Variants in FAM171B observed in about 807,000 individuals in gnomAD.
FAM171B encodes the protein family with sequence similarity 171 member B, also known as protein FAM171B.
FAM171B carries 19 observed loss-of-function variants against 75.6 expected under a neutral mutation model. The ratio of observed to expected loss-of-function variants is 0.25; its 90% CI spans 0.18 to 0.37. The LOEUF (loss-of-function observed/expected upper bound fraction) is 0.37, where lower values mean the gene tolerates loss of function less well. Ranked by LOEUF, FAM171B falls within the 10% of genes least tolerant of loss-of-function variation. The pLI is 1.00. For missense variants in FAM171B, 848 were observed against 982.4 expected (o/e 0.86, Z 1.83); for synonymous variants, 367 against 361.7 (o/e 1.01, Z -0.17).
At chr2:186,706,560 G>T in intron 1 of FAM171B, among the ~76,000 whole-genome samples, 1 of 152,272 alleles carries the variant, frequency 6.6e-6, no homozygotes, top group African/African-American at 2.4e-5. Context: ...GCACATTCTG[G>T]TGTTCCAAAG....
intron 2 of FAM171B, among the ~76,000 whole-genome samples, chr2:186,741,007 T>G (rs1212106111): frequency 1.3e-5 from 2 of 152,166 alleles, no homozygotes; most frequent in Non-Finnish European, 2.9e-5. Flanking sequence ...AGGGGCAATT[T>G]GCCATTACAG....
At chr2:186,728,748 G>A (rs1311380899) in intron 1 of FAM171B, among the ~76,000 whole-genome samples, 4 of 152,116 alleles carry the variant, frequency 2.6e-5, no homozygotes, top group Admixed American at 6.5e-5. Flanking sequence ...TAATGGAAAC[G>A]AAGTAGGTGA....
intron 3 of FAM171B, among the ~76,000 whole-genome samples, chr2:186,746,478 G>A (rs990610331): frequency 1.3e-5 from 2 of 152,154 alleles, no homozygotes; most frequent in East Asian, 1.9e-4. Context: ...GGAATAGGAC[G>A]AACTTTAGAC....
At chr2:186,706,581 G>A (rs1345488925) in intron 1 of FAM171B, among the ~76,000 whole-genome samples, 1 of 152,174 alleles carries the variant, frequency 6.6e-6, no homozygotes, top group Non-Finnish European at 1.5e-5. Context: ...ATAAATAATA[G>A]CATGTGTTGA....
At chr2:186,702,854 G>C (rs1253224542) in intron 1 of FAM171B, among the ~76,000 whole-genome samples, 1 of 151,864 alleles carries the variant, frequency 6.6e-6, no homozygotes, top group Non-Finnish European at 1.5e-5. Flanking sequence ...CCAAAAGTAA[G>C]ATTTAAAATT....
rs1351048775 is a variant in FAM171B, at chr2:186,694,074, G to A, written c.-100G>A. 3 of 1,367,618 alleles carry A rather than the reference G, an allele frequency of 2.2e-6. No homozygotes were observed. The highest frequency in any genetic ancestry group is 3.6e-5 in the Admixed American group (1 of 27,462). The allele number at this position is 1,367,618 out of a possible 1,614,324, so 84.7% of individuals were successfully genotyped here. On this transcript the variant is annotated 5_prime_UTR_variant, in exon 1 of 8. Coordinates refer to ENST00000304698, the MANE Select transcript of FAM171B (RefSeq NM_177454.4). The stretch of plus-strand genomic sequence containing the variant: ...GGGAGTGCTTGGCAGATTGCGCGAG[G>A]GGGAGCGAGCGAGCGGGCGCTGCCA...
At chr2:186,712,114 A>T (rs1689817950) in intron 1 of FAM171B, among the ~76,000 whole-genome samples, 1 of 152,190 alleles carries the variant, frequency 6.6e-6, no homozygotes, top group Non-Finnish European at 1.5e-5. Flanking sequence ...GAATATATAT[A>T]TTAAGGGAAG....
chr2:186,705,130 C>T (rs1032245673), intron 1 of FAM171B, among the ~76,000 whole-genome samples: 2 of 152,196 alleles, frequency 1.3e-5, no homozygotes, highest in Admixed American at 1.3e-4. Context: ...CGTGACTGCT[C>T]CTGCAGCACA....
intron 5 of FAM171B, among the ~76,000 whole-genome samples, 164 bp downstream of exon 5, chr2:186,751,468 C>T (rs559658504): frequency 6.6e-6 from 1 of 152,210 alleles, no homozygotes; most frequent in African/African-American, 2.4e-5. Context: ...ATAATACAAC[C>T]ATTGGGCAAA....
intron 1 of FAM171B, among the ~76,000 whole-genome samples, chr2:186,720,318 G>A (rs1310749793): frequency 3.3e-5 from 5 of 152,290 alleles, no homozygotes; most frequent in African/African-American, 7.2e-5. Flanking sequence ...GATTACAGAC[G>A]TGAGCCACCA....
At chr2:186,705,106 T>C (rs1429931515) in intron 1 of FAM171B, among the ~76,000 whole-genome samples, 1 of 152,256 alleles carries the variant, frequency 6.6e-6, no homozygotes, top group East Asian at 1.9e-4. Flanking sequence ...ACAGCTCCTA[T>C]GGTGTTATAA....
At chr2:186,748,066 G>A (rs1309324848) in intron 4 of FAM171B, among the ~76,000 whole-genome samples, 1 of 152,040 alleles carries the variant, frequency 6.6e-6, no homozygotes, top group Non-Finnish European at 1.5e-5. Flanking sequence ...GGGACTACAG[G>A]CATGCACCAC....
rs1690673916 is a variant in FAM171B at position 186,764,594 on chromosome 2, G to A, written c.*1771G>A. 6.7e-6 allele frequency: 1 copy of A among 149,176 alleles called. No homozygotes were observed. The highest frequency in any genetic ancestry group is 2.5e-5 in the African/African-American group (1 of 40,670). The allele number at this position is 149,176 out of a possible 1,614,324, so 9.2% of individuals were successfully genotyped here. On this transcript the variant is annotated 3_prime_UTR_variant, in exon 8 of 8. Transcript: ENST00000304698. ...TCAAAATGATTTGGAAAAGGTTAAAGTTAGTGCTCTGCTGAAGTGCCTTTG... is the reference window on the plus strand; with the variant it reads ...TCAAAATGATTTGGAAAAGGTTAAAATTAGTGCTCTGCTGAAGTGCCTTTG...
intron 6 of FAM171B, among the ~76,000 whole-genome samples, chr2:186,760,002 A>C (rs902345972): frequency 6.6e-6 from 1 of 152,110 alleles, no homozygotes; most frequent in African/African-American, 2.4e-5. Flanking sequence ...TCTTCTGCAT[A>C]AGGATATCCA....
chr2:186,725,358 AG>A, intron 1 of FAM171B, among the ~76,000 whole-genome samples: 1 of 151,630 alleles, frequency 6.6e-6, no homozygotes, highest in South Asian at 2.1e-4. Context: ...AAAAAAAAAA[AG>A]AATTTTACTT....
At chr2:186,707,332 A>G (rs767508579) in intron 1 of FAM171B, among the ~76,000 whole-genome samples, 60 of 152,058 alleles carry the variant, frequency 3.9e-4, no homozygotes, top group Admixed American at 2.0e-4. Context: ...TCCGTTTAGG[A>G]GTCTACTTTC....
At chr2:186,740,160 C>T in intron 1 of FAM171B, 68 bp from the exon 2 acceptor site, 2 of 1,096,324 alleles carry the variant, frequency 1.8e-6, no homozygotes, top group Non-Finnish European at 1.4e-6. Flanking sequence ...TGTTGAATGA[C>T]ATTTAAAGAC....
chr2:186,703,859 G>A (rs190671084), intron 1 of FAM171B, among the ~76,000 whole-genome samples: 4 of 152,074 alleles, frequency 2.6e-5, no homozygotes, highest in Admixed American at 2.6e-4. Context: ...CTGTAAGAAT[G>A]AAATAGATGA....
chr2:186,725,714 T>G (rs868395896), intron 1 of FAM171B, among the ~76,000 whole-genome samples: 32 of 152,342 alleles, frequency 2.1e-4, no homozygotes, highest in South Asian at 4.1e-4. Context: ...TGAGCTTTCC[T>G]CACTGGGCTG....
Sources: gnomAD v4.1 joint callset for allele counts (sites outside exome capture counted in the v4.1 genomes callset) on GRCh38, gnomAD v4.1.1 for gene constraint, MANE v1.5 for transcripts, NCBI Gene and HGNC (gene_info 2026-07-23, HGNC 2026-07-21) for gene names.